VTA1: variants seen among roughly 807,000 people sequenced by gnomAD.
The protein encoded by VTA1 is vacuolar protein sorting-associated protein VTA1 homolog.
In VTA1, 24 loss-of-function variants were observed where a neutral mutation model predicts 36.9. That is an observed-to-expected ratio of 0.65 (90% CI 0.47 to 0.91). The LOEUF is 0.91. VTA1 is among the 40% of genes least tolerant of loss of function. The probability of loss-of-function intolerance (pLI) is 0.00; values close to 1 mark genes in which losing one functional copy is unlikely to be tolerated. For synonymous variants in VTA1, 142 were observed against 130.2 expected (o/e 1.09, Z -0.62); for missense variants, 393 against 377.2 (o/e 1.04, Z -0.35).
At chr6:142,189,663 A>T in intron 5 of VTA1, 129 bp downstream of exon 5, 1 of 646,358 alleles carries the variant, frequency 1.5e-6, no homozygotes, top group Non-Finnish European at 2.6e-6. Context: ...AAAGTTAAGT[A>T]TAAAATCATA....
rs1331566502 is a variant in VTA1 at position 142,218,691 on chromosome 6, GTCCATTAC to G, written c.*51_*58del. 6.4e-7 allele frequency: 1 copy of G among 1,554,686 alleles called. No homozygotes were observed. The highest frequency in any genetic ancestry group is 2.1e-5 in the Admixed American group (1 of 47,038). ...GTATTTTTGGCATGAGGAACTAACA[GTCCATTAC>G]TCTATCTTCAGCCTATCAGGATCAC... On this transcript the variant is annotated 3_prime_UTR_variant, in exon 8 of 8. Coordinates refer to ENST00000367630, the MANE Select transcript of VTA1 (RefSeq NM_016485.5).
chr6:142,149,515 GTTAA>G (rs1402678863), intron 1 of VTA1, among the ~76,000 whole-genome samples: 8 of 152,106 alleles, frequency 5.3e-5, no homozygotes, highest in South Asian at 4.1e-4. Flanking sequence ...CTTTTCATAT[GTTAA>G]TTAACCATTT....
rs540857292 is a variant in VTA1, at chr6:142,219,943, A to G, written c.*1300A>G. The stretch of plus-strand genomic sequence containing the variant: ...GCAGAGTTGTATGGCTTGCAAGTCT[A>G]AAAACATTTACTATTTGGCCCTCTA... On this transcript the variant is annotated 3_prime_UTR_variant, in exon 8 of 8. Transcript: ENST00000367630. 2.4e-3 allele frequency: 370 copies of G among 152,314 alleles called. 3 individuals carry two copies. The highest frequency in any genetic ancestry group is 8.2e-3 in the African/African-American group (340 of 41,564). The allele number at this position is 152,314 out of a possible 1,614,324, so 9.4% of individuals were successfully genotyped here.
chr6:142,167,844 G>C (rs1312046566), intron 2 of VTA1, among the ~76,000 whole-genome samples: 1 of 152,206 alleles, frequency 6.6e-6, no homozygotes, highest in Non-Finnish European at 1.5e-5. Context: ...TGGGGTAGAA[G>C]GGAGAATGTT....
chr6:142,154,509 G>A (rs1778625426), intron 1 of VTA1, among the ~76,000 whole-genome samples: 6 of 152,036 alleles, frequency 3.9e-5, no homozygotes, highest in Admixed American at 3.9e-4. Context: ...TAGATCATAT[G>A]GTAATTGCAT....
intron 4 of VTA1, among the ~76,000 whole-genome samples, chr6:142,184,953 A>G (rs1190354301): frequency 5.9e-5 from 9 of 152,170 alleles, no homozygotes; most frequent in Non-Finnish European, 8.8e-5. Context: ...TACGTATCCA[A>G]CTAGCATTTA....
At chr6:142,201,623 T>A (rs1775686352) in intron 6 of VTA1, among the ~76,000 whole-genome samples, 1 of 151,994 alleles carries the variant, frequency 6.6e-6, no homozygotes, top group Non-Finnish European at 1.5e-5. Context: ...ATTTTATGAT[T>A]AAAGCTAGCC....
chr6:142,202,104 G>T (rs1176014141), intron 6 of VTA1, among the ~76,000 whole-genome samples: 2 of 151,894 alleles, frequency 1.3e-5, no homozygotes, highest in African/African-American at 4.8e-5. Context: ...CTGTTTCAAA[G>T]CACTAGACAT....
At position 142,222,742 on chromosome 6, in the gene VTA1, T is replaced by C. The variant is rs1776134799; in HGVS notation, c.*4099T>C. ...AATTCTAAGACTGCAGGCTTGTTCATTGGAGTACACTTAAGTAGGACAAAT... is the reference window on the plus strand; with the variant it reads ...AATTCTAAGACTGCAGGCTTGTTCACTGGAGTACACTTAAGTAGGACAAAT... On this transcript the variant is annotated 3_prime_UTR_variant, in exon 8 of 8. Transcript: ENST00000367630. 6.6e-6 allele frequency: 1 copy of C among 151,806 alleles called. No homozygotes were observed. The highest frequency in any genetic ancestry group is 1.5e-5 in the Non-Finnish European group (1 of 68,016). The allele number at this position is 151,806 out of a possible 1,614,324, so 9.4% of individuals were successfully genotyped here.
chr6:142,153,015 A>T (rs985415552), intron 1 of VTA1, among the ~76,000 whole-genome samples: 6 of 152,084 alleles, frequency 3.9e-5, no homozygotes, highest in African/African-American at 1.2e-4. Flanking sequence ...CTTAAAGATG[A>T]TCTAGAAATT....
At chr6:142,177,225 C>T (rs1043735197) in intron 4 of VTA1, among the ~76,000 whole-genome samples, 1 of 152,134 alleles carries the variant, frequency 6.6e-6, no homozygotes, top group African/African-American at 2.4e-5. Flanking sequence ...AGAACAATGT[C>T]TTACACCTAA....
Position 142,198,499 on chromosome 6 carries a change from C to T in VTA1, c.581C>T (p.Ser194Leu), listed in dbSNP as rs1241096573. The change falls in exon 6 of 8, where the codon TCA (serine) becomes TTA (leucine). Residue 194 changes from serine (S) to leucine (L), a missense_variant. Ser to Leu is a moderately radical substitution (Grantham distance 145). Transcript: ENST00000367630. ...CTGCCCACTCAGCCAACTCAGCCAT[C>T]ATCATCTTCAACTTATGACCCAAGC... ...ASLPTQPTQP[S>L]SSSTYDPSNM... The T allele has an allele frequency of 6.2e-7, 1 of 1,614,026 alleles. No individual in the cohort carries two copies. The highest frequency in any genetic ancestry group is 2.2e-5 in the East Asian group (1 of 44,870).
Position 142,157,187 on chromosome 6 carries a change from T to C in VTA1, c.113-9041T>C, listed in dbSNP as rs142634887. Among the ~76,000 whole-genome samples the C allele has an allele frequency of 2.0e-3, 306 of 152,270 alleles. 1 individual carries two copies. The highest frequency in any genetic ancestry group is 3.4e-3 in the Non-Finnish European group (229 of 68,016). ...CAAAAAAATGATAATAATAATAACTTGCCTCTTACTATTTTTTGTTGGGTT... is the reference window on the plus strand; with the variant it reads ...CAAAAAAATGATAATAATAATAACTCGCCTCTTACTATTTTTTGTTGGGTT... On this transcript the variant is annotated intron_variant, in intron 1 of 7. Coordinates refer to ENST00000367630, the MANE Select transcript of VTA1 (RefSeq NM_016485.5).
chr6:142,158,885 G>C (rs1241830515), intron 1 of VTA1, among the ~76,000 whole-genome samples: 2 of 151,984 alleles, frequency 1.3e-5, no homozygotes, highest in Non-Finnish European at 2.9e-5. Flanking sequence ...GATCTTTACT[G>C]TCTTTTCCCC....
chr6:142,149,990 T>C (rs1483045430), intron 1 of VTA1, among the ~76,000 whole-genome samples: 1 of 152,206 alleles, frequency 6.6e-6, no homozygotes, highest in Non-Finnish European at 1.5e-5. Context: ...TGCTGCATTC[T>C]GTGTAATTTC....
chr6:142,175,803 TACTC>T (rs1003083226), intron 4 of VTA1, among the ~76,000 whole-genome samples: 3 of 152,136 alleles, frequency 2.0e-5, no homozygotes, highest in Admixed American at 2.0e-4. Context: ...TTCATGTCAT[TACTC>T]ACTTGTATAA....
chr6:142,196,857 A>G (rs1775560178), intron 5 of VTA1, among the ~76,000 whole-genome samples: 1 of 152,104 alleles, frequency 6.6e-6, no homozygotes, highest in South Asian at 2.1e-4. Flanking sequence ...CCAGCAGACC[A>G]TTGACTTGCC....
chr6:142,175,924 A>G (rs1210721829), intron 4 of VTA1, among the ~76,000 whole-genome samples: 2 of 152,104 alleles, frequency 1.3e-5, no homozygotes, highest in Admixed American at 1.3e-4. Context: ...TATTTTAGGT[A>G]TATGTATTTA....
At chr6:142,171,844 C>T (rs994062513) in intron 4 of VTA1, among the ~76,000 whole-genome samples, 3 of 151,874 alleles carry the variant, frequency 2.0e-5, no homozygotes, top group South Asian at 2.1e-4. Flanking sequence ...AAACAGAGTA[C>T]AATCACTGTA....
Sources: allele counts gnomAD v4.1 joint callset (sites outside exome capture counted in the v4.1 genomes callset), GRCh38; gene constraint gnomAD v4.1.1; transcripts MANE v1.5; gene names NCBI Gene and HGNC (gene_info 2026-07-23, HGNC 2026-07-21).